The following CLCNKB variants were observed in gnomAD, a reference collection of about 807,000 sequenced individuals.
The protein encoded by CLCNKB is chloride voltage-gated channel Kb.
In CLCNKB, 74 loss-of-function variants were observed where a neutral mutation model predicts 83.8. That is an observed-to-expected ratio of 0.88 (90% CI 0.73 to 1.07). The LOEUF (loss-of-function observed/expected upper bound fraction) is 1.07. CLCNKB is among the 50% of genes least tolerant of loss of function. The probability of loss-of-function intolerance (pLI) is 0.00; values close to 1 mark genes in which losing one functional copy is unlikely to be tolerated. For synonymous variants in CLCNKB, 358 were observed against 356.6 expected (o/e 1.00, Z -0.04); for missense variants, 798 against 893.6 (o/e 0.89, Z 1.36).
chr1:16,053,850 G>A (rs2023368227), intron 16 of CLCNKB, 78 bp downstream of exon 16: 2 of 1,571,492 alleles, frequency 1.3e-6, no homozygotes, highest in Non-Finnish European at 1.7e-6. Flanking sequence ...CAGGCAGACA[G>A]GATCTGCATC....
chr1:16,055,774 G>C lies in CLCNKB; in HGVS notation c.1929+16G>C. Reference sequence around the variant, plus strand: ...CCTGCATGAGGTAACGGGGAGAACTGGGGAGTGTGACACATGAGGCCTCTG... The same window carrying C: ...CCTGCATGAGGTAACGGGGAGAACTCGGGAGTGTGACACATGAGGCCTCTG... On this transcript the variant is annotated intron_variant, in intron 18 of 19. Transcript: ENST00000375679. The C allele has an allele frequency of 6.2e-7, 1 of 1,611,838 alleles. No individual in the cohort carries two copies. The highest frequency in any genetic ancestry group is 8.5e-7 in the Non-Finnish European group (1 of 1,178,282).
chr1:16,046,164 T>G (rs1458782697), intron 3 of CLCNKB, among the ~76,000 whole-genome samples: 1 of 152,204 alleles, frequency 6.6e-6, no homozygotes, highest in Non-Finnish European at 1.5e-5. Context: ...CAGCACCTAC[T>G]ATGGTGTTAC....
At chr1:16,053,317 C>G (rs1036251533) in intron 15 of CLCNKB, among the ~76,000 whole-genome samples, 4 of 152,124 alleles carry the variant, frequency 2.6e-5, no homozygotes, top group African/African-American at 9.7e-5. Context: ...CGTGAGCCAC[C>G]GTGCCCAGCC....
rs559375161 is a variant in CLCNKB at position 16,056,013 on chromosome 1, G to T, written c.1929+255G>T. ...GAGAGTGGCAAATGTAAATCTCTGG[G>T]TGGAGAAAGACAGTGGAGTTGCACC... On this transcript the variant is annotated intron_variant, in intron 18 of 19. Coordinates refer to ENST00000375679, the MANE Select transcript of CLCNKB (RefSeq NM_000085.5). 5.9e-5 allele frequency among the ~76,000 whole-genome samples: 9 copies of T among 152,338 alleles called. No individual in the cohort carries two copies. In the East Asian group the frequency reaches 1.7e-3, roughly 29 times the overall value.
intron 14 of CLCNKB, 150 bp from the exon 15 acceptor site, chr1:16,052,048 C>A: frequency 9.2e-7 from 1 of 1,090,366 alleles, no homozygotes; most frequent in South Asian, 1.4e-5. Context: ...TCTCCTCTCA[C>A]CAAGCCCAGG....
intron 2 of CLCNKB, among the ~76,000 whole-genome samples, chr1:16,044,891 G>A (rs1420589530): frequency 2.6e-5 from 4 of 152,228 alleles, no homozygotes; most frequent in Admixed American, 2.6e-4. Context: ...ATGAGGGGAC[G>A]TGGGGGTTAG....
chr1:16,044,284 C>T (rs1377887800), intron 1 of CLCNKB, among the ~76,000 whole-genome samples: 1 of 152,090 alleles, frequency 6.6e-6, no homozygotes, highest in Non-Finnish European at 1.5e-5. Context: ...CAATGACACA[C>T]ACAGGCACAC....
At chr1:16,048,776 G>A (rs2023185663) in intron 7 of CLCNKB, 194 bp downstream of exon 7, 2 of 1,463,468 alleles carry the variant, frequency 1.4e-6, no homozygotes, top group African/African-American at 1.4e-5. Flanking sequence ...GCGGTGCTAA[G>A]AGGCTTCAGT....
intron 11 of CLCNKB, 58 bp downstream of exon 11, chr1:16,050,658 G>A: frequency 6.4e-7 from 1 of 1,563,994 alleles, no homozygotes; most frequent in Admixed American, 1.7e-5. Context: ...TGCCTCCTTT[G>A]CGTGTATCTC....
chr1:16,048,879 C>T (rs2023188562), intron 7 of CLCNKB: 8 of 1,442,504 alleles, frequency 5.5e-6, no homozygotes, highest in Non-Finnish European at 7.2e-6. Context: ...AAATGGAGAT[C>T]GCAACCGTCC....
chr1:16,051,264 G>A (rs1400017906), intron 12 of CLCNKB, among the ~76,000 whole-genome samples: 1 of 152,186 alleles, frequency 6.6e-6, no homozygotes, highest in Non-Finnish European at 1.5e-5. Context: ...GAAGGCTAAG[G>A]AGGAAGAAAG....
chr1:16,044,475 C>T lies in CLCNKB; in HGVS notation c.-7-11C>T, dbSNP rs188028488. The T allele has an allele frequency of 1.6e-4, 251 of 1,588,518 alleles. No individual in the cohort carries two copies. The East Asian group carries it at 2.8e-3, about 18-fold the overall frequency. On this transcript the variant is annotated splice_polypyrimidine_tract_variant and intron_variant, in intron 1 of 19. Transcript: ENST00000375679. ...GCTCACCGCGGTCCCTCCCTCTATC[C>T]GCTTCTCCAGGGGCCTGATGGAGGA...
At chr1:16,049,078 G>C (rs779134900) in intron 7 of CLCNKB, 42 bp from the exon 8 acceptor site, 1 of 1,613,530 alleles carries the variant, frequency 6.2e-7, no homozygotes, top group Non-Finnish European at 8.5e-7. Context: ...GTCACAGGTG[G>C]GTGGGGGTGG....
At position 16,053,801 on chromosome 1, in the gene CLCNKB, G is replaced by A. The variant is rs376424327; in HGVS notation, c.1756+29G>A. 32 of 1,612,948 alleles carry A rather than the reference G, an allele frequency of 2.0e-5. No homozygotes were observed. The African/African-American group carries it at 2.3e-4, about 11-fold the overall frequency. ...CCCAGCCGGAAGGGAGGAGGAAGTC[G>A]GGGGTAGGGGATGCCCTCTGCCTCC... On this transcript the variant is annotated intron_variant, in intron 16 of 19. Transcript: ENST00000375679.
chr1:16,044,167 G>A lies in CLCNKB; in HGVS notation c.-8+287G>A, dbSNP rs564234347. On this transcript the variant is annotated intron_variant, in intron 1 of 19. Coordinates refer to ENST00000375679, the MANE Select transcript of CLCNKB (RefSeq NM_000085.5). ...CAAGTGACCCAGGAGGGTGGGAGCG[G>A]CTGCCACCGAAGGGGAAGGGGCTCT... Among the ~76,000 whole-genome samples, 7 of 152,118 alleles carry A rather than the reference G, an allele frequency of 4.6e-5. No individual in the cohort carries two copies. The East Asian group carries it at 1.2e-3, about 25-fold the overall frequency.
rs2023152167 is a variant in CLCNKB, at chr1:16,048,026, C to A, written c.480C>A (p.Thr160=). 1 of 1,613,798 alleles carries A rather than the reference C, an allele frequency of 6.2e-7. No homozygotes were observed. Among genetic ancestry groups the A allele is most frequent in the African/African-American group, 1.3e-5 (1 of 74,862 alleles). Reference sequence around the variant, plus strand: ...CCTGCACCCTGGCCTGTGGCAGCACCCTCTTCCTCGGGAAAGTGGTATGGG... The same window carrying A: ...CCTGCACCCTGGCCTGTGGCAGCACACTCTTCCTCGGGAAAGTGGTATGGG... ...GLSCTLACGS[T]LFLGKVGPFV... The change falls in exon 5 of 20, where the codon ACC becomes ACA. Residue 160 remains threonine (T), a synonymous_variant. Coordinates refer to ENST00000375679, the MANE Select transcript of CLCNKB (RefSeq NM_000085.5).
chr1:16,048,872 T>C, intron 7 of CLCNKB: 1 of 1,441,868 alleles, frequency 6.9e-7, no homozygotes, highest in African/African-American at 1.4e-5. Context: ...CTCTACAAAA[T>C]GGAGATCGCA....
intron 15 of CLCNKB, among the ~76,000 whole-genome samples, chr1:16,053,248 G>C (rs1304772147): frequency 6.6e-6 from 1 of 152,154 alleles, no homozygotes; most frequent in Admixed American, 6.5e-5. Context: ...GGCTAGTCTT[G>C]AATTCCTGGC....
At chr1:16,046,362 A>T (rs547585775) in intron 3 of CLCNKB, among the ~76,000 whole-genome samples, 173 bp from the exon 4 acceptor site, 6 of 152,030 alleles carry the variant, frequency 3.9e-5, no homozygotes, top group Admixed American at 3.9e-4. Context: ...TAAACCTGGG[A>T]TATGGACCCA....
Sources: gnomAD v4.1 joint callset for allele counts (sites outside exome capture counted in the v4.1 genomes callset) on GRCh38, gnomAD v4.1.1 for gene constraint, MANE v1.5 for transcripts, NCBI Gene and HGNC (gene_info 2026-07-23, HGNC 2026-07-21) for gene names.